Variants in BBOX1 observed in about 807,000 individuals in gnomAD.
BBOX1 encodes the protein gamma-butyrobetaine dioxygenase.
Under a neutral mutation model 41.6 loss-of-function variants are expected in BBOX1, and 35 were observed. The observed-to-expected ratio is 0.84, with a 90% CI of 0.64 to 1.11. The LOEUF (loss-of-function observed/expected upper bound fraction) is 1.11. BBOX1 is among the 50% of genes most tolerant of loss of function. BBOX1 has a pLI of 0.00. For synonymous variants in BBOX1, 163 were observed against 154.7 expected (o/e 1.05, Z -0.40); for missense variants, 458 against 460.6 (o/e 0.99, Z 0.05).
intron 6 of BBOX1, 83 bp from the exon 7 acceptor site, chr11:27,119,563 TTTA>T (rs1859390571): frequency 1.2e-6 from 1 of 812,920 alleles, no homozygotes; most frequent in Non-Finnish European, 1.6e-6. Context: ...ATTATTTTAT[TTTA>T]TTATTTATTT....
intron 7 of BBOX1, 76 bp from the exon 8 acceptor site, chr11:27,125,578 G>C: frequency 8.2e-7 from 1 of 1,213,254 alleles, no homozygotes; most frequent in Non-Finnish European, 1.1e-6. Flanking sequence ...AAATATATTT[G>C]AAGAGGAATT....
intron 4 of BBOX1, among the ~76,000 whole-genome samples, chr11:27,078,113 G>A (rs370914014): frequency 3.3e-5 from 5 of 151,924 alleles, no homozygotes; most frequent in African/African-American, 1.2e-4. Context: ...CTTTCTGACT[G>A]CTCAAACTTT....
At chr11:27,087,996 T>C (rs1262704145) in intron 4 of BBOX1, among the ~76,000 whole-genome samples, 1 of 152,078 alleles carries the variant, frequency 6.6e-6, no homozygotes, top group Non-Finnish European at 1.5e-5. Context: ...TGTGTGAATA[T>C]GGTTAACTTT....
chr11:27,045,459 A>G (rs1360915876), intron 2 of BBOX1, among the ~76,000 whole-genome samples: 5 of 152,104 alleles, frequency 3.3e-5, no homozygotes, highest in Admixed American at 3.3e-4. Context: ...AGAACTTCCA[A>G]TACTATGTTG....
chr11:27,083,224 C>T (rs1308660673), intron 4 of BBOX1, among the ~76,000 whole-genome samples: 2 of 152,048 alleles, frequency 1.3e-5, no homozygotes, highest in African/African-American at 2.4e-5. Context: ...ATTTGTTTTG[C>T]ATATAGACCA....
intron 2 of BBOX1, 168 bp from the exon 3 acceptor site, chr11:27,055,225 T>C: frequency 2.0e-6 from 1 of 508,748 alleles, no homozygotes; most frequent in Admixed American, 3.4e-5. Flanking sequence ...TTACAGTATG[T>C]GAAATACTCT....
At position 27,115,518 on chromosome 11, in the gene BBOX1, C is replaced by T. The variant is rs751170899; in HGVS notation, c.600C>T (p.Ser200=). 1.2e-6 allele frequency: 2 copies of T among 1,611,152 alleles called. No homozygotes were observed. The highest frequency in any genetic ancestry group is 1.1e-5 in the South Asian group (1 of 90,954). Reference sequence around the variant, plus strand: ...TGGCTTACACAACTGGGAAGCTAAGCTTTCACACTGATTATCCAGCCCTCC... The same window carrying T: ...TGGCTTACACAACTGGGAAGCTAAGTTTTCACACTGATTATCCAGCCCTCC... The part of the protein sequence containing the change: ...NNVAYTTGKL[S]FHTDYPALHH... The change falls in exon 6 of 9, where the codon AGC becomes AGT. Residue 200 remains serine (S), a synonymous_variant. Transcript: ENST00000263182.
intron 5 of BBOX1, among the ~76,000 whole-genome samples, chr11:27,099,460 T>A (rs947867417): frequency 1.3e-4 from 19 of 150,704 alleles, no homozygotes; most frequent in African/African-American, 4.6e-4. Flanking sequence ...TTGGTGGTAG[T>A]CAACTTTTAT....
intron 6 of BBOX1, among the ~76,000 whole-genome samples, chr11:27,119,163 A>G (rs972873189): frequency 1.3e-5 from 2 of 151,998 alleles, no homozygotes; most frequent in Non-Finnish European, 2.9e-5. Context: ...TTTATTACCC[A>G]GTGAACTGTG....
intron 5 of BBOX1, among the ~76,000 whole-genome samples, chr11:27,097,087 T>C (rs1468430161): frequency 2.6e-5 from 4 of 152,016 alleles, no homozygotes; most frequent in African/African-American, 2.4e-5. Context: ...GAAATTCTCA[T>C]TGTCAATTTT....
chr11:27,080,915 G>A (rs912852653), intron 4 of BBOX1, among the ~76,000 whole-genome samples: 2 of 152,122 alleles, frequency 1.3e-5, no homozygotes, highest in Non-Finnish European at 2.9e-5. Flanking sequence ...CCAGACAGCA[G>A]GCACACGATG....
At chr11:27,071,393 AAG>A (rs1491195849) in intron 4 of BBOX1, among the ~76,000 whole-genome samples, 4 of 151,216 alleles carry the variant, frequency 2.6e-5, no homozygotes, top group East Asian at 2.0e-4. Flanking sequence ...AAAAAAAAAA[AAG>A]GGGGCTAAAG....
intron 4 of BBOX1, among the ~76,000 whole-genome samples, chr11:27,089,050 GAGA>G (rs1285664546): frequency 1.3e-5 from 2 of 151,890 alleles, no homozygotes; most frequent in African/African-American, 4.8e-5. Flanking sequence ...GTGAGACACA[GAGA>G]AGAAGCCAAG....
chr11:27,067,719 C>CAG (rs1214303149), intron 4 of BBOX1, among the ~76,000 whole-genome samples: 2 of 151,884 alleles, frequency 1.3e-5, no homozygotes, highest in Non-Finnish European at 2.9e-5. Context: ...CGAGATCGCG[C>CAG]CACTGCACTC....
chr11:27,106,073 A>C (rs548249695), intron 5 of BBOX1, among the ~76,000 whole-genome samples: 2,365 of 152,224 alleles, frequency 0.016, 77 homozygotes, highest in African/African-American at 0.054. Context: ...GCCTGCCCTA[A>C]AAGAGCTCCT....
chr11:27,105,332 C>G (rs1165154005), intron 5 of BBOX1, among the ~76,000 whole-genome samples: 1 of 152,048 alleles, frequency 6.6e-6, no homozygotes, highest in Non-Finnish European at 1.5e-5. Flanking sequence ...CGCAAAGAAG[C>G]TAAAAACCTT....
intron 4 of BBOX1, among the ~76,000 whole-genome samples, chr11:27,059,255 T>C (rs1023038483): frequency 6.6e-6 from 1 of 152,248 alleles, no homozygotes; most frequent in African/African-American, 2.4e-5. Context: ...GTGGCTTCCA[T>C]GTGGCTTTAA....
At chr11:27,089,549 C>T (rs1007264850) in intron 4 of BBOX1, among the ~76,000 whole-genome samples, 3 of 151,978 alleles carry the variant, frequency 2.0e-5, no homozygotes, top group Non-Finnish European at 4.4e-5. Context: ...GGACCAATTA[C>T]CACAGTGCCA....
At chr11:27,121,226 T>A (rs1299934457) in intron 7 of BBOX1, among the ~76,000 whole-genome samples, 1 of 152,066 alleles carries the variant, frequency 6.6e-6, no homozygotes, top group East Asian at 1.9e-4. Flanking sequence ...TCTGGAGTGT[T>A]CAAGGAACAT....
Sources: allele counts gnomAD v4.1 joint callset (sites outside exome capture counted in the v4.1 genomes callset), GRCh38; gene constraint gnomAD v4.1.1; transcripts MANE v1.5; gene names NCBI Gene and HGNC (gene_info 2026-07-23, HGNC 2026-07-21).